LHPP: variants seen among roughly 807,000 people sequenced by gnomAD.
The protein encoded by LHPP is phospholysine phosphohistidine inorganic pyrophosphate phosphatase, also known as hLHPP.
A neutral mutation model predicts 30.3 loss-of-function variants in LHPP; 24 were observed. That is an observed-to-expected ratio of 0.79 (90% CI 0.57 to 1.11). The LOEUF (loss-of-function observed/expected upper bound fraction) is 1.11, where lower values mean the gene tolerates loss of function less well. Among genes scored for constraint, LHPP ranks in the 50% most tolerant of loss-of-function variants. The pLI is 0.00. For synonymous variants in LHPP, 150 were observed against 157.1 expected (o/e 0.95, Z 0.34); for missense variants, 356 against 367.2 (o/e 0.97, Z 0.25).
intron 6 of LHPP, among the ~76,000 whole-genome samples, chr10:124,599,024 C>CACCT (rs1207715498): frequency 1.3e-5 from 2 of 148,602 alleles, no homozygotes; most frequent in East Asian, 2.0e-4. Context: ...TCCATCCATC[C>CACCT]ACCTGTCCAT....
At chr10:124,463,183 A>G (rs1952455059) in intron 1 of LHPP, among the ~76,000 whole-genome samples, 1 of 151,632 alleles carries the variant, frequency 6.6e-6, no homozygotes, top group Admixed American at 6.6e-5. Flanking sequence ...TATTTTTAAT[A>G]TACTGTTTTA....
At chr10:124,484,391 T>C in intron 2 of LHPP, 65 bp downstream of exon 2, 17 of 1,475,932 alleles carry the variant, frequency 1.2e-5, no homozygotes, top group Non-Finnish European at 1.6e-5. Flanking sequence ...GTGGGGGCTG[T>C]GCAGAGAGCC....
intron 6 of LHPP, among the ~76,000 whole-genome samples, chr10:124,561,275 G>A (rs950988960): frequency 1.3e-5 from 2 of 152,166 alleles, no homozygotes; most frequent in South Asian, 4.1e-4. Flanking sequence ...GGCTCAGCAG[G>A]GATCCTGGAC....
intron 3 of LHPP, among the ~76,000 whole-genome samples, chr10:124,489,269 G>A (rs1953439588): frequency 6.6e-6 from 1 of 152,230 alleles, no homozygotes; most frequent in African/African-American, 2.4e-5. Flanking sequence ...TTTGGTGTAT[G>A]TCCTTGCAAG....
Position 124,541,552 on chromosome 10 carries a change from GC to G in LHPP, c.716+24282del, listed in dbSNP as rs1196605463. On this transcript the variant is annotated intron_variant, in intron 6 of 6. Transcript: ENST00000368842. The surrounding 1 kb of genome is among the most constrained non-coding windows in gnomAD (Gnocchi z 4.2). ...GTCCCTAGCATATCTCGAATGGCAG[GC>G]TGAGGCTCGAAAGTCTCATGCCTGT... Among the ~76,000 whole-genome samples the G allele has an allele frequency of 6.6e-6, 1 of 152,060 alleles. No individual in the cohort carries two copies. Among genetic ancestry groups the G allele is most frequent in the African/African-American group, 2.4e-5 (1 of 41,380 alleles).
At chr10:124,601,158 G>A (rs548454534) in intron 6 of LHPP, among the ~76,000 whole-genome samples, 43 of 152,314 alleles carry the variant, frequency 2.8e-4, no homozygotes, top group African/African-American at 9.9e-4. Flanking sequence ...GGGGTAGGGG[G>A]AAGTGCACTA....
chr10:124,571,815 A>G (rs1948588249), intron 6 of LHPP, among the ~76,000 whole-genome samples: 1 of 152,176 alleles, frequency 6.6e-6, no homozygotes. Context: ...ATGCTAGCAG[A>G]GGAAGATAGA....
At chr10:124,610,133 C>A (rs925593233) in intron 6 of LHPP, among the ~76,000 whole-genome samples, 8 of 152,206 alleles carry the variant, frequency 5.3e-5, no homozygotes, top group Non-Finnish European at 1.0e-4. Flanking sequence ...CGCAGGATTG[C>A]GTGGTGCCAA....
intron 1 of LHPP, among the ~76,000 whole-genome samples, chr10:124,477,359 G>A (rs1455235055): frequency 6.6e-6 from 1 of 152,136 alleles, no homozygotes; most frequent in Non-Finnish European, 1.5e-5. Flanking sequence ...TCTCTGCACT[G>A]GTTCCCATTT....
chr10:124,522,792 A>C (rs1253417861), intron 6 of LHPP, among the ~76,000 whole-genome samples: 2 of 148,772 alleles, frequency 1.3e-5, no homozygotes, highest in African/African-American at 4.9e-5. Flanking sequence ...TCTTCCTTGG[A>C]GGATGGGGCT....
chr10:124,531,606 A>G (rs996591909), intron 6 of LHPP, among the ~76,000 whole-genome samples: 1 of 152,190 alleles, frequency 6.6e-6, no homozygotes, highest in African/African-American at 2.4e-5. Flanking sequence ...ATTACGAGAC[A>G]GTCATTTTGT....
chr10:124,469,239 G>A (rs1473916544), intron 1 of LHPP, among the ~76,000 whole-genome samples: 3 of 152,092 alleles, frequency 2.0e-5, no homozygotes, highest in Non-Finnish European at 4.4e-5. Flanking sequence ...ACATGCCTCC[G>A]TGGCAGCTCC....
intron 1 of LHPP, among the ~76,000 whole-genome samples, chr10:124,467,639 A>G (rs1292744378): frequency 1.3e-5 from 2 of 150,432 alleles, no homozygotes; most frequent in Non-Finnish European, 3.0e-5. Context: ...TTTCTACCCA[A>G]GTTTCCCAGA....
Position 124,576,635 on chromosome 10 carries a change from T to A in LHPP, c.717-36629T>A, listed in dbSNP as rs1488213172. Among the ~76,000 whole-genome samples the A allele has an allele frequency of 2.0e-5, 3 of 151,848 alleles. No individual in the cohort carries two copies. Among genetic ancestry groups the A allele is most frequent in the Non-Finnish European group, 4.4e-5 (3 of 67,960 alleles). On this transcript the variant is annotated intron_variant, in intron 6 of 6. Coordinates refer to ENST00000368842, the MANE Select transcript of LHPP (RefSeq NM_022126.4). This position sits in a 1 kb window ranked among gnomAD's most constrained non-coding sequence, Gnocchi z 4.2. The stretch of plus-strand genomic sequence containing the variant: ...TCTGCCCCCAGGCCTGCTGGTAATA[T>A]GGGATACAGAGGTCTCCTCACTGCA...
intron 2 of LHPP, among the ~76,000 whole-genome samples, chr10:124,484,654 C>T (rs1953262908): frequency 1.5e-5 from 2 of 137,578 alleles, no homozygotes; most frequent in African/African-American, 2.8e-5. Flanking sequence ...AGTTCTAGCT[C>T]CTGTTGAGAA....
Position 124,461,978 on chromosome 10 carries a change from C to CGGTGGCCA in LHPP, c.121_125+3dup. On this transcript the variant is annotated frameshift_variant, in exon 1 of 7. Coordinates refer to ENST00000368842, the MANE Select transcript of LHPP (RefSeq NM_022126.4). LOFTEE classifies it high-confidence loss of function. Reference sequence around the variant, plus strand: ...ACGGCCATCGCCGGCTCGGTGGAGGCGGTGGCCAGGTGAGTGGGCCCCGGG... The same window carrying CGGTGGCCA: ...ACGGCCATCGCCGGCTCGGTGGAGGCGGTGGCCAGGTGGCCAGGTGAGTGGGCCCCGGG... The CGGTGGCCA allele has an allele frequency of 8.2e-7, 1 of 1,217,842 alleles. No homozygotes were observed. The highest frequency in any genetic ancestry group is 1.0e-6 in the Non-Finnish European group (1 of 976,140). The allele number at this position is 1,217,842 out of a possible 1,614,324, so 75.4% of individuals were successfully genotyped here.
At chr10:124,603,022 G>C (rs1387254852) in intron 6 of LHPP, among the ~76,000 whole-genome samples, 2 of 151,272 alleles carry the variant, frequency 1.3e-5, no homozygotes, top group Admixed American at 1.3e-4. Context: ...GGTGGGGTGT[G>C]GCCAGCTGCA....
At chr10:124,568,116 G>C (rs959328830) in intron 6 of LHPP, among the ~76,000 whole-genome samples, 2 of 152,030 alleles carry the variant, frequency 1.3e-5, no homozygotes, top group Non-Finnish European at 2.9e-5. Flanking sequence ...GGGTTTCACC[G>C]TGTTGGCTAG....
intron 6 of LHPP, among the ~76,000 whole-genome samples, chr10:124,575,066 G>A (rs896153377): frequency 5.3e-5 from 8 of 152,158 alleles, no homozygotes; most frequent in Admixed American, 2.6e-4. Flanking sequence ...GAGCCCTTGG[G>A]GAGTTTAAGC....
Sources: allele counts gnomAD v4.1 joint callset (sites outside exome capture counted in the v4.1 genomes callset), GRCh38; gene constraint gnomAD v4.1.1; non-coding constraint Gnocchi (gnomAD v3.1); transcripts MANE v1.5; gene names NCBI Gene and HGNC (gene_info 2026-07-23, HGNC 2026-07-21).